The following AGPAT4 variants were observed in gnomAD, a reference collection of about 807,000 sequenced individuals.
The protein encoded by AGPAT4 is 1-acylglycerol-3-phosphate O-acyltransferase 4.
A neutral mutation model predicts 48.0 loss-of-function variants in AGPAT4; 15 were observed. That is an observed-to-expected ratio of 0.31 (90% CI 0.21 to 0.48). AGPAT4 has a LOEUF of 0.48. Ranked by LOEUF, AGPAT4 falls within the 20% of genes least tolerant of loss-of-function variation. The pLI is 0.99. For synonymous variants in AGPAT4, 178 were observed against 198.7 expected, an observed-to-expected ratio of 0.90 and a Z score of 0.88; for missense variants, 314 against 482.5, an observed-to-expected ratio of 0.65 and a Z score of 3.27.
At chr6:161,211,383 TC>T (rs1369431880) in intron 2 of AGPAT4, among the ~76,000 whole-genome samples, 10 of 152,146 alleles carry the variant, frequency 6.6e-5, no homozygotes, top group African/African-American at 1.9e-4. Flanking sequence ...TATTTAAAAG[TC>T]ATGTATAAAA....
At chr6:161,199,848 T>C (rs766883606) in intron 2 of AGPAT4, among the ~76,000 whole-genome samples, 28 of 152,180 alleles carry the variant, frequency 1.8e-4, no homozygotes, top group Non-Finnish European at 3.1e-4. Flanking sequence ...CGTGAGTTGA[T>C]TAAACCCCTT....
In AGPAT4 at chr6:161,267,790, G is replaced by T. The variant is rs1783309683; in HGVS notation, c.-90+6148C>A. On this transcript the variant is annotated intron_variant, in intron 1 of 8. Transcript: ENST00000320285. This position sits in a 1 kb window ranked among gnomAD's most constrained non-coding sequence, Gnocchi z 5.2. ...ACACACCTGTAGTCCCAGCTACTTG[G>T]GAAGCTGAAGCGGGAGGATTGCTTG... Among the ~76,000 whole-genome samples the T allele has an allele frequency of 6.6e-6, 1 of 152,266 alleles. No homozygotes were observed. The highest frequency in any genetic ancestry group is 3.4e-3 in the Middle Eastern group (1 of 294).
At chr6:161,163,674 C>G (rs1464054006) in intron 3 of AGPAT4, among the ~76,000 whole-genome samples, 1 of 152,216 alleles carries the variant, frequency 6.6e-6, no homozygotes, top group Non-Finnish European at 1.5e-5. Flanking sequence ...CCTGCTCTCT[C>G]TAGCTCCTTG....
In AGPAT4 at chr6:161,133,431, A is replaced by G. The variant is rs937876768; in HGVS notation, c.*3109T>C. 1.5e-4 allele frequency: 23 copies of G among 152,172 alleles called. No individual in the cohort carries two copies. The highest frequency in any genetic ancestry group is 1.5e-3 in the Admixed American group (23 of 15,278). The allele number at this position is 152,172 out of a possible 1,614,324, so 9.4% of individuals were successfully genotyped here. ...CCAGTACTACTGTGTGATCATATGA[A>G]AAAAGTTGGTTTTCTCTCTGTCAAA... On this transcript the variant is annotated 3_prime_UTR_variant, in exon 9 of 9. Transcript: ENST00000320285.
chr6:161,199,776 C>A (rs184725852), intron 2 of AGPAT4, among the ~76,000 whole-genome samples: 5 of 152,328 alleles, frequency 3.3e-5, no homozygotes, highest in Middle Eastern at 3.4e-3. Context: ...GTGTCTGCTT[C>A]CCCTACGTCT....
At chr6:161,167,423 T>C (rs1237137325) in intron 2 of AGPAT4, among the ~76,000 whole-genome samples, 1 of 152,162 alleles carries the variant, frequency 6.6e-6, no homozygotes, top group African/African-American at 2.4e-5. Flanking sequence ...AGACGCAGTT[T>C]TGCCATGCTG....
intron 2 of AGPAT4, among the ~76,000 whole-genome samples, chr6:161,167,388 G>C (rs1780133790): frequency 6.6e-6 from 1 of 152,168 alleles, no homozygotes; most frequent in Admixed American, 6.5e-5. Flanking sequence ...ACCATGCCCA[G>C]CTAATTTTTT....
chr6:161,166,709 G>A lies in AGPAT4; in HGVS notation c.179-292C>T, dbSNP rs1017930957. ...AAAATAAATCAGAAAGCCAGAATCCGTCAAGAATTCATGCCCTTGTGTTTA... is the reference window on the plus strand; with the variant it reads ...AAAATAAATCAGAAAGCCAGAATCCATCAAGAATTCATGCCCTTGTGTTTA... On this transcript the variant is annotated intron_variant, in intron 2 of 8. Transcript: ENST00000320285. The surrounding 1 kb of genome is among the most constrained non-coding windows in gnomAD (Gnocchi z 6.7). Among the ~76,000 whole-genome samples, 8 of 152,336 alleles carry A rather than the reference G, an allele frequency of 5.3e-5. No individual in the cohort carries two copies. Among genetic ancestry groups the A allele is most frequent in the South Asian group, 4.1e-4 (2 of 4,826 alleles).
rs1280052521 is a variant in AGPAT4 at position 161,217,197 on chromosome 6, C to G, written c.178+14839G>C. 2.0e-5 allele frequency among the ~76,000 whole-genome samples: 3 copies of G among 152,222 alleles called. No individual in the cohort carries two copies. The highest frequency in any genetic ancestry group is 4.4e-5 in the Non-Finnish European group (3 of 68,038). The stretch of plus-strand genomic sequence containing the variant: ...GTGGGGACGCGAAAGGACAGGGGAA[C>G]ACCGGAGAACTCGGTCATCCGCTTG... On this transcript the variant is annotated intron_variant, in intron 2 of 8. Coordinates refer to ENST00000320285, the MANE Select transcript of AGPAT4 (RefSeq NM_020133.3). This position sits in a 1 kb window ranked among gnomAD's most constrained non-coding sequence, Gnocchi z 4.9.
chr6:161,160,104 A>ATTTTTTTTTTTT (rs5881394), intron 3 of AGPAT4: 5 of 74,008 alleles, frequency 6.8e-5, no homozygotes, highest in African/African-American at 5.3e-5. Context: ...CACCCAGCTA[A>ATTTTTTTTTTTT]TTTTTTTTTT....
intron 5 of AGPAT4, among the ~76,000 whole-genome samples, chr6:161,150,218 T>C (rs1779549607): frequency 6.6e-6 from 1 of 152,166 alleles, no homozygotes; most frequent in Non-Finnish European, 1.5e-5. Flanking sequence ...AAATGGCTAC[T>C]TGCTGAAGTG....
intron 2 of AGPAT4, among the ~76,000 whole-genome samples, chr6:161,192,087 T>C (rs1249438882): frequency 6.7e-6 from 1 of 150,090 alleles, no homozygotes; most frequent in African/African-American, 2.5e-5. Context: ...TCTCTCTTCC[T>C]TCTCGCCTTC....
chr6:161,211,825 T>G lies in AGPAT4; in HGVS notation c.178+20211A>C, dbSNP rs372826732. 1.7e-3 allele frequency among the ~76,000 whole-genome samples: 261 copies of G among 152,152 alleles called. 2 individuals are homozygous for G. The highest frequency in any genetic ancestry group is 6.0e-3 in the African/African-American group (248 of 41,514). ...AAAATGACACCAAATCCTACTAAAT[T>G]TTAAACACTGACAGCAATTAAAGCC... On this transcript the variant is annotated intron_variant, in intron 2 of 8. Transcript: ENST00000320285.
At position 161,251,586 on chromosome 6, in the gene AGPAT4, C is replaced by G. The variant is rs1782804760; in HGVS notation, c.-89-19284G>C. Among the ~76,000 whole-genome samples the G allele has an allele frequency of 1.3e-5, 2 of 152,186 alleles. No homozygotes were observed. The highest frequency in any genetic ancestry group is 4.1e-4 in the South Asian group (2 of 4,834). ...AACGTTACCCTGCATTACAGACCAGCCTGTCCGGCCGCTGGTTAAAGACCC... is the reference window on the plus strand; with the variant it reads ...AACGTTACCCTGCATTACAGACCAGGCTGTCCGGCCGCTGGTTAAAGACCC... On this transcript the variant is annotated intron_variant, in intron 1 of 8. Transcript: ENST00000320285. This position sits in a 1 kb window ranked among gnomAD's most constrained non-coding sequence, Gnocchi z 4.6.
rs929021404 is a variant in AGPAT4, at chr6:161,202,296, G to A, written c.178+29740C>T. On this transcript the variant is annotated intron_variant, in intron 2 of 8. Coordinates refer to ENST00000320285, the MANE Select transcript of AGPAT4 (RefSeq NM_020133.3). This position sits in a 1 kb window ranked among gnomAD's most constrained non-coding sequence, Gnocchi z 5.4. ...TGCCTGAGGCTGGCAAGGTGGTGCTGGCTATTGGCTGTAGATCTCAATTCC... is the reference window on the plus strand; with the variant it reads ...TGCCTGAGGCTGGCAAGGTGGTGCTAGCTATTGGCTGTAGATCTCAATTCC... 1.3e-5 allele frequency among the ~76,000 whole-genome samples: 2 copies of A among 152,086 alleles called. No homozygotes were observed. The highest frequency in any genetic ancestry group is 4.8e-5 in the African/African-American group (2 of 41,418).
rs1323752577 is a variant in AGPAT4 at position 161,243,506 on chromosome 6, G to C, written c.-89-11204C>G. Among the ~76,000 whole-genome samples, 1 of 152,184 alleles carries C rather than the reference G, an allele frequency of 6.6e-6. No homozygotes were observed. Among genetic ancestry groups the C allele is most frequent in the Non-Finnish European group, 1.5e-5 (1 of 68,034 alleles). ...CTGTGTGCCCAGAGCCTGCAGGAGA[G>C]GCGCTGTTTCCTAGCTGTGCAATCT... On this transcript the variant is annotated intron_variant, in intron 1 of 8. Coordinates refer to ENST00000320285, the MANE Select transcript of AGPAT4 (RefSeq NM_020133.3). The surrounding 1 kb of genome is among the most constrained non-coding windows in gnomAD (Gnocchi z 4.8).
rs1782636327 is a variant in AGPAT4 at position 161,246,006 on chromosome 6, T to C, written c.-89-13704A>G. Among the ~76,000 whole-genome samples the C allele has an allele frequency of 6.6e-6, 1 of 152,192 alleles. No homozygotes were observed. The highest frequency in any genetic ancestry group is 2.1e-4 in the South Asian group (1 of 4,820). On this transcript the variant is annotated intron_variant, in intron 1 of 8. Coordinates refer to ENST00000320285, the MANE Select transcript of AGPAT4 (RefSeq NM_020133.3). The surrounding 1 kb of genome is among the most constrained non-coding windows in gnomAD (Gnocchi z 5.5). Reference sequence around the variant, plus strand: ...ACTAAGTTGACATGCAGTATCCTTGTTTCTAGATAGCTCTGAAAAATGGCC... The same window carrying C: ...ACTAAGTTGACATGCAGTATCCTTGCTTCTAGATAGCTCTGAAAAATGGCC...
rs1781764659 is a variant in AGPAT4, at chr6:161,219,864, T to C, written c.178+12172A>G. On this transcript the variant is annotated intron_variant, in intron 2 of 8. Coordinates refer to ENST00000320285, the MANE Select transcript of AGPAT4 (RefSeq NM_020133.3). The surrounding 1 kb of genome is among the most constrained non-coding windows in gnomAD (Gnocchi z 4.9). Reference sequence around the variant, plus strand: ...ATAGATAGATAGATAGATAGATAGATAGATAGATAGGCAGGCAGGCAGGCA... The same window carrying C: ...ATAGATAGATAGATAGATAGATAGACAGATAGATAGGCAGGCAGGCAGGCA... 4.2e-5 allele frequency among the ~76,000 whole-genome samples: 5 copies of C among 118,574 alleles called. No individual in the cohort carries two copies. The highest frequency in any genetic ancestry group is 7.2e-5 in the African/African-American group (2 of 27,812). 77.8% of individuals were successfully genotyped at this position (118,574 alleles called of 152,430 possible).
At chr6:161,192,820 A>G (rs1351747520) in intron 2 of AGPAT4, among the ~76,000 whole-genome samples, 1 of 152,202 alleles carries the variant, frequency 6.6e-6, no homozygotes, top group African/African-American at 2.4e-5. Flanking sequence ...TTCAGCACAC[A>G]TTAAAGATAC....
Sources: allele counts gnomAD v4.1 joint callset (sites outside exome capture counted in the v4.1 genomes callset), GRCh38; gene constraint gnomAD v4.1.1; non-coding constraint Gnocchi (gnomAD v3.1); transcripts MANE v1.5; gene names NCBI Gene and HGNC (gene_info 2026-07-23, HGNC 2026-07-21).